SNX8: variants seen among roughly 807,000 people sequenced by gnomAD.
The protein encoded by SNX8 is sorting nexin-8.
SNX8 carries 25 observed loss-of-function variants against 51.6 expected under a neutral mutation model. That is an observed-to-expected ratio of 0.48 (90% CI 0.35 to 0.68). The LOEUF (loss-of-function observed/expected upper bound fraction) is 0.68. SNX8 is among the 30% of genes least tolerant of loss of function. The probability of loss-of-function intolerance (pLI) is 0.00; values close to 1 mark genes in which losing one functional copy is unlikely to be tolerated. For synonymous variants in SNX8, 324 were observed against 277.0 expected (o/e 1.17, Z -1.68); for missense variants, 695 against 624.0 (o/e 1.11, Z -1.21).
chr7:2,284,794 C>T (rs375107921), intron 1 of SNX8, among the ~76,000 whole-genome samples: 32 of 152,190 alleles, frequency 2.1e-4, no homozygotes, highest in East Asian at 1.5e-3. Context: ...AAAGACAGTC[C>T]GCAGATGTCT....
At chr7:2,300,796 C>G (rs540793689) in intron 1 of SNX8, among the ~76,000 whole-genome samples, 1 of 152,108 alleles carries the variant, frequency 6.6e-6, no homozygotes. Flanking sequence ...GCGCATGCCA[C>G]CACGCCCAGC....
At chr7:2,267,602 G>A (rs1189032783) in intron 5 of SNX8, among the ~76,000 whole-genome samples, 3 of 145,124 alleles carry the variant, frequency 2.1e-5, no homozygotes, top group African/African-American at 5.1e-5. Flanking sequence ...ACGGAGTCTC[G>A]TTCACTCAGT....
chr7:2,333,120 C>G (rs911767837), intron 1 of SNX8, among the ~76,000 whole-genome samples: 7 of 151,028 alleles, frequency 4.6e-5, no homozygotes, highest in Non-Finnish European at 7.4e-5. Flanking sequence ...CACTATGTTG[C>G]CCAGGCTGGT....
intron 1 of SNX8, among the ~76,000 whole-genome samples, chr7:2,283,037 T>C (rs62442532): frequency 0.16 from 23,198 of 149,602 alleles, 2,044 homozygotes; most frequent in Middle Eastern, 0.26. Context: ...AGGAGAATGG[T>C]GTGAACCCGG....
intron 1 of SNX8, among the ~76,000 whole-genome samples, chr7:2,311,427 T>C (rs1166234111): frequency 6.6e-6 from 1 of 152,210 alleles, no homozygotes; most frequent in Non-Finnish European, 1.5e-5. Flanking sequence ...TTCGCTACGT[T>C]GTCCAGGCTG....
At chr7:2,317,157 T>C (rs572763052), upstream of SNX8, among the ~76,000 whole-genome samples, 20 of 148,560 alleles carry the variant, frequency 1.3e-4, no homozygotes, top group Non-Finnish European at 2.2e-4. Flanking sequence ...GCAGATGCTG[T>C]GGTCATTCCA....
chr7:2,318,520 T>A (rs1238304074), upstream of SNX8, among the ~76,000 whole-genome samples: 1 of 133,508 alleles, frequency 7.5e-6, no homozygotes, highest in African/African-American at 2.9e-5. Flanking sequence ...CGAAACTCTG[T>A]CTCAAAAAAA....
At position 2,270,314 on chromosome 7, in the gene SNX8, C is replaced by CAAAAAAAAAAAAA. The variant is rs57983721; in HGVS notation, c.541-688_541-676dup. Among the ~76,000 whole-genome samples the CAAAAAAAAAAAAA allele has an allele frequency of 5.3e-5, 3 of 57,086 alleles. 1 individual carries two copies. The highest frequency in any genetic ancestry group is 7.8e-5 in the African/African-American group (1 of 12,848). 37.5% of individuals were successfully genotyped at this position (57,086 alleles called of 152,430 possible). A position where few individuals can be genotyped will look rare whatever the true frequency, so the allele number is the denominator to read the frequency against. ...ATCATCTGACTCAACTCTCATTTTACAAAAAAAAAAAAAAAAAAAAAAAAA... is the reference window on the plus strand; with the variant it reads ...ATCATCTGACTCAACTCTCATTTTACAAAAAAAAAAAAAAAAAAAAAAAAAAAAAAAAAAAAAA... On this transcript the variant is annotated intron_variant, in intron 4 of 10. Transcript: ENST00000222990.
intron 1 of SNX8, among the ~76,000 whole-genome samples, chr7:2,295,491 G>A (rs949635339): frequency 3.4e-5 from 5 of 146,480 alleles, no homozygotes; most frequent in African/African-American, 1.3e-4. Context: ...GATCACCTGA[G>A]AACAGGAGTG....
At chr7:2,343,547 C>G (rs1260693102) in intron 1 of SNX8, among the ~76,000 whole-genome samples, 5 of 151,958 alleles carry the variant, frequency 3.3e-5, no homozygotes, top group Admixed American at 6.6e-5. Context: ...TGGTGGCGTG[C>G]ACCTGTAGTC....
At chr7:2,334,949 A>G (rs1243714330) in intron 1 of SNX8, among the ~76,000 whole-genome samples, 1 of 151,396 alleles carries the variant, frequency 6.6e-6, no homozygotes, top group East Asian at 2.0e-4. Flanking sequence ...CCAGAGGTAC[A>G]ATTTGGGAGG....
intron 6 of SNX8, among the ~76,000 whole-genome samples, chr7:2,263,665 A>C (rs987229277): frequency 4.0e-5 from 6 of 151,640 alleles, no homozygotes; most frequent in African/African-American, 1.2e-4. Context: ...CCCTCCCCTC[A>C]GGCAAAGGAA....
At chr7:2,340,065 C>CTT (rs748282709) in intron 1 of SNX8, among the ~76,000 whole-genome samples, 6 of 142,312 alleles carry the variant, frequency 4.2e-5, no homozygotes, top group South Asian at 2.2e-4. Flanking sequence ...GGCTACAAAA[C>CTT]TTTTTTTTTT....
chr7:2,252,150 T>G lies in SNX8; in HGVS notation c.*2906A>C, dbSNP rs1795048876. On this transcript the variant is annotated 3_prime_UTR_variant, in exon 11 of 11. Transcript: ENST00000222990. ...CAGCCCCGCCAGCCCACAACCCCCC[T>G]CCCACGGCCCCGCCAGCCGTCCTCA... 1 of 65,866 alleles carries G rather than the reference T, an allele frequency of 1.5e-5. No individual in the cohort carries two copies. 4.1% of individuals were successfully genotyped at this position (65,866 alleles called of 1,614,324 possible).
intron 1 of SNX8, among the ~76,000 whole-genome samples, chr7:2,296,406 A>C (rs571488437): frequency 6.6e-6 from 1 of 152,080 alleles, no homozygotes; most frequent in East Asian, 1.9e-4. Context: ...ATAGCATGCT[A>C]CTGATTTGTG....
upstream of SNX8, among the ~76,000 whole-genome samples, chr7:2,316,664 T>C (rs1584735847): frequency 2.0e-5 from 3 of 150,592 alleles, no homozygotes; most frequent in East Asian, 6.0e-4. Flanking sequence ...CATTCATTCA[T>C]TCACCCACTC....
chr7:2,321,650 G>A (rs149956955), intron 1 of SNX8, among the ~76,000 whole-genome samples: 1,577 of 148,838 alleles, frequency 0.011, 11 homozygotes, highest in Middle Eastern at 0.052. Flanking sequence ...TCCTTACCTT[G>A]TGATCCGCCC....
At chr7:2,330,245 C>G (rs1020207962) in intron 1 of SNX8, among the ~76,000 whole-genome samples, 4 of 149,856 alleles carry the variant, frequency 2.7e-5, no homozygotes, top group Admixed American at 1.4e-4. Flanking sequence ...TCAAGCGATT[C>G]TCCTGCCTCA....
At chr7:2,281,089 G>A (rs1023076647) in intron 1 of SNX8, among the ~76,000 whole-genome samples, 90 of 151,672 alleles carry the variant, frequency 5.9e-4, no homozygotes, top group African/African-American at 2.1e-3. Context: ...CACCGCGCCC[G>A]GCCAGATGCC....
Sources: allele counts gnomAD v4.1 joint callset (sites outside exome capture counted in the v4.1 genomes callset), GRCh38; gene constraint gnomAD v4.1.1; transcripts MANE v1.5; gene names NCBI Gene and HGNC (gene_info 2026-07-23, HGNC 2026-07-21).